UGT1A10: variants seen among roughly 807,000 people sequenced by gnomAD.
UGT1A10 encodes the protein UDP-glucuronosyltransferase 1A10.
In UGT1A10, 49 loss-of-function variants were observed where a neutral mutation model predicts 45.8. The ratio of observed to expected loss-of-function variants is 1.07; its 90% CI spans 0.85 to 1.36. UGT1A10 has a LOEUF of 1.36. Among genes scored for constraint, UGT1A10 ranks in the 40% most tolerant of loss-of-function variants. UGT1A10 has a pLI of 0.00. For synonymous variants in UGT1A10, 284 were observed against 249.7 expected (o/e 1.14, Z -1.29); for missense variants, 745 against 668.6 (o/e 1.11, Z -1.26).
At chr2:233,685,873 A>G (rs548978160) in intron 1 of UGT1A10, among the ~76,000 whole-genome samples, 1 of 152,360 alleles carries the variant, frequency 6.6e-6, no homozygotes, top group African/African-American at 2.4e-5. Flanking sequence ...ACCTAAGACA[A>G]TCAATAATTC....
chr2:233,711,473 A>G (rs1385646486), intron 1 of UGT1A10, among the ~76,000 whole-genome samples: 1 of 152,182 alleles, frequency 6.6e-6, no homozygotes, highest in Non-Finnish European at 1.5e-5. Flanking sequence ...TCAGAGGCTG[A>G]GATGTTGCAC....
At chr2:233,737,382 C>T (rs751071024) in intron 1 of UGT1A10, among the ~76,000 whole-genome samples, 21 of 152,224 alleles carry the variant, frequency 1.4e-4, no homozygotes, top group Non-Finnish European at 2.6e-4. Flanking sequence ...GAGAGAATCT[C>T]CTTGTCTGCC....
At chr2:233,689,295 C>A (rs1284988088) in intron 1 of UGT1A10, among the ~76,000 whole-genome samples, 1 of 151,188 alleles carries the variant, frequency 6.6e-6, no homozygotes, top group Non-Finnish European at 1.5e-5. Flanking sequence ...GGTTCACTCA[C>A]CCAGCACAGT....
intron 1 of UGT1A10, chr2:233,743,281 T>C (rs1273336134): frequency 4.0e-6 from 2 of 496,058 alleles, no homozygotes; most frequent in East Asian, 1.4e-4. Flanking sequence ...CACCCTTTCT[T>C]GGCCATTCTC....
intron 1 of UGT1A10, chr2:233,713,115 C>T (rs2076279485): frequency 6.2e-7 from 1 of 1,614,098 alleles, no homozygotes; most frequent in African/African-American, 1.3e-5. Context: ...CAGCCACTGG[C>T]TCAGCATGCG....
At chr2:233,743,977 C>A (rs1692620866) in intron 1 of UGT1A10, 2 of 1,309,814 alleles carry the variant, frequency 1.5e-6, no homozygotes, top group Middle Eastern at 2.3e-4. Context: ...CTGCCAGCAC[C>A]CAGGCGCAGG....
chr2:233,665,675 G>C (rs2074062155), intron 1 of UGT1A10, among the ~76,000 whole-genome samples: 1 of 152,186 alleles, frequency 6.6e-6, no homozygotes. Context: ...ATAATTGGCT[G>C]ACCCAGGGAG....
intron 1 of UGT1A10, among the ~76,000 whole-genome samples, chr2:233,650,175 G>T (rs1441774103): frequency 1.3e-5 from 2 of 152,104 alleles, no homozygotes; most frequent in East Asian, 3.9e-4. Context: ...TCTCCATGTT[G>T]GTCAGGCTGG....
chr2:233,694,538 T>G (rs530909274), intron 1 of UGT1A10, among the ~76,000 whole-genome samples: 1 of 152,310 alleles, frequency 6.6e-6, no homozygotes, highest in South Asian at 2.1e-4. Context: ...CAGAGTTACT[T>G]TGGAAAATAA....
chr2:233,704,856 G>A (rs375142414), intron 1 of UGT1A10, among the ~76,000 whole-genome samples: 6 of 151,976 alleles, frequency 3.9e-5, no homozygotes, highest in East Asian at 1.9e-4. Context: ...GAATAGGGCC[G>A]GGCACGGTGG....
intron 1 of UGT1A10, among the ~76,000 whole-genome samples, chr2:233,681,327 A>G (rs980656608): frequency 6.6e-5 from 10 of 151,994 alleles, no homozygotes; most frequent in African/African-American, 2.2e-4. Flanking sequence ...TGAGCTCAGG[A>G]GTTCGAGACC....
rs371021401 is a variant in UGT1A10, at chr2:233,729,953, T to C, written c.856-37081T>C. The stretch of plus-strand genomic sequence containing the variant: ...CCAATCATGCCCAACATGGTCTTCA[T>C]TGGGGGCATCAACTGTGCCAACAGG... On this transcript the variant is annotated intron_variant, in intron 1 of 4. Transcript: ENST00000344644. 4.9e-4 allele frequency: 788 copies of C among 1,614,064 alleles called. 2 individuals are homozygous for C. In the South Asian group the frequency reaches 7.7e-3, roughly 16 times the overall value.
At chr2:233,724,359 C>G (rs1387977005) in intron 1 of UGT1A10, among the ~76,000 whole-genome samples, 2 of 146,918 alleles carry the variant, frequency 1.4e-5, no homozygotes, top group South Asian at 4.6e-4. Flanking sequence ...ACCTCCCTCC[C>G]GGACGGGGTG....
intron 1 of UGT1A10, chr2:233,713,612 C>T (rs2076333250): frequency 6.2e-7 from 1 of 1,613,866 alleles, no homozygotes; most frequent in African/African-American, 1.3e-5. Flanking sequence ...ACATGACATT[C>T]CTGCAAAGGG....
rs528527073 is a variant in UGT1A10 at position 233,743,656 on chromosome 2, G to A, written c.856-23378G>A. On this transcript the variant is annotated intron_variant, in intron 1 of 4. Transcript: ENST00000344644. ...GGTCGCGGAAGCTGAAGACGTACTC[G>A]AAGGGGTCCTCGAAGGGCCTGCCGC... 2.2e-5 allele frequency: 30 copies of A among 1,367,266 alleles called. 1 individual carries two copies. Among genetic ancestry groups the A allele is most frequent in the Middle Eastern group, 4.2e-4 (2 of 4,768 alleles). The allele number at this position is 1,367,266 out of a possible 1,614,324, so 84.7% of individuals were successfully genotyped here.
chr2:233,728,942 G>A (rs1352391275), intron 1 of UGT1A10, among the ~76,000 whole-genome samples: 1 of 147,948 alleles, frequency 6.8e-6, no homozygotes, highest in Non-Finnish European at 1.5e-5. Flanking sequence ...CTTTTCCAGG[G>A]TGGGGCCCAC....
intron 1 of UGT1A10, chr2:233,682,630 C>T: frequency 2.5e-6 from 4 of 1,613,892 alleles, no homozygotes; most frequent in Non-Finnish European, 3.4e-6. Context: ...TAGAAATAGC[C>T]TCTGAAATTC....
intron 1 of UGT1A10, chr2:233,648,886 G>C: frequency 7.7e-7 from 1 of 1,298,738 alleles, no homozygotes; most frequent in Non-Finnish European, 1.1e-6. Flanking sequence ...CCAAACACCT[G>C]TCATGGCATA....
chr2:233,636,937 G>A lies in UGT1A10; in HGVS notation c.415G>A (p.Glu139Lys), dbSNP rs10187694. 2,362 of 1,614,128 alleles carry A rather than the reference G, an allele frequency of 1.5e-3. 36 individuals are homozygous for A. In the African/African-American group the frequency reaches 0.028, roughly 19 times the overall value. Residue 139 changes from glutamate (E) to lysine (K), a missense_variant, in exon 1 of 5, where the codon GAG becomes AAG. Glu to Lys is a moderately conservative substitution (Grantham distance 56, BLOSUM62 1). Transcript: ENST00000344644. ...CCGAAAATTAGTAGAATACTTAAAG[G>A]AGAGTTCTTTTGATGCAGTGTTTCT... ...NDRKLVEYLK[E>K]SSFDAVFLDP...
Sources: gnomAD v4.1 joint callset for allele counts (sites outside exome capture counted in the v4.1 genomes callset) on GRCh38, gnomAD v4.1.1 for gene constraint, MANE v1.5 for transcripts, NCBI Gene and HGNC (gene_info 2026-07-23, HGNC 2026-07-21) for gene names.